TAS2R4: variants seen among roughly 807,000 people sequenced by gnomAD.
TAS2R4 encodes the protein taste 2 receptor member 4.
A neutral mutation model predicts 14.3 loss-of-function variants in TAS2R4; 18 were observed. The ratio of observed to expected loss-of-function variants is 1.26; its 90% CI spans 0.87 to 1.86. The LOEUF is 1.86. TAS2R4 is among the 40% of genes most tolerant of loss of function. The pLI, the probability that TAS2R4 is intolerant of heterozygous loss-of-function variation, is 0.00. For missense variants in TAS2R4, 306 were observed against 342.7 expected (o/e 0.89, Z 0.85); for synonymous variants, 130 against 138.5 (o/e 0.94, Z 0.43).
rs1287055543 is a variant in TAS2R4, at chr7:141,779,420, C to T, written c.*32C>T. On this transcript the variant is annotated 3_prime_UTR_variant, in exon 1 of 1. Coordinates refer to ENST00000247881, the MANE Select transcript of TAS2R4 (RefSeq NM_016944.2). ...TTCAGTAAACAATACCTAGATTTACCTGATGGTTTGGGGGCAAGATTTTCT... is the reference window on the plus strand; with the variant it reads ...TTCAGTAAACAATACCTAGATTTACTTGATGGTTTGGGGGCAAGATTTTCT... 1.9e-6 allele frequency: 3 copies of T among 1,547,824 alleles called. No homozygotes were observed. Among genetic ancestry groups the T allele is most frequent in the African/African-American group, 1.4e-5 (1 of 72,906 alleles).
rs1290541732 is a variant in TAS2R4 at position 141,779,008 on chromosome 7, A to AT, written c.521dup (p.Ser176ValfsTer17). ...CACATCATTTAATATCAGTGAGGGCATCTTGTCTTTAGTGGTTTCTTTGGT... is the reference window on the plus strand; with the variant it reads ...CACATCATTTAATATCAGTGAGGGCATTCTTGTCTTTAGTGGTTTCTTTGGT... On this transcript the variant is annotated frameshift_variant, in exon 1 of 1. Transcript: ENST00000247881. LOFTEE classifies it high-confidence loss of function. The AT allele has an allele frequency of 6.2e-7, 1 of 1,614,178 alleles. No individual in the cohort carries two copies. The highest frequency in any genetic ancestry group is 1.7e-5 in the Admixed American group (1 of 60,020).
At position 141,778,995 on chromosome 7, in the gene TAS2R4, T is replaced by C. The variant is rs1393536207; in HGVS notation, c.507T>C (p.Asn169=). The change falls in exon 1 of 1, where the codon AAT becomes AAC. Residue 169 remains asparagine, a synonymous_variant. Transcript: ENST00000247881. ...CTACGAGAAATAACACATCATTTAA[T>C]ATCAGTGAGGGCATCTTGTCTTTAG... ...LVTTRNNTSF[N]ISEGILSLVV... The C allele has an allele frequency of 1.2e-6, 2 of 1,614,142 alleles. No individual in the cohort carries two copies. Among genetic ancestry groups the C allele is most frequent in the East Asian group, 4.5e-5 (2 of 44,902 alleles).
In TAS2R4 at chr7:141,778,505, A is replaced by C. The variant is rs2233997; in HGVS notation, c.17A>C (p.Tyr6Ser). The part of the protein sequence containing the change: MLRLF[Y>S]FSAIIASVIL... ...TGAGTAAAGATGCTTCGGTTATTCT[A>C]TTTCTCTGCTATTATTGCCTCAGTT... Residue 6 changes from tyrosine (Y) to serine (S), a missense_variant, in exon 1 of 1, where the codon TAT becomes TCT. Transcript: ENST00000247881. 4,469 of 1,612,472 alleles carry C rather than the reference A, an allele frequency of 2.8e-3. 141 individuals carry two copies. The Admixed American group carries it at 0.056, about 20-fold the overall frequency.
In TAS2R4 at chr7:141,779,676, G is replaced by A. The variant is rs1479929629; in HGVS notation, c.*288G>A. 1.3e-5 allele frequency: 4 copies of A among 301,308 alleles called. No homozygotes were observed. The highest frequency in any genetic ancestry group is 4.7e-5 in the Admixed American group (1 of 21,180). The allele number at this position is 301,308 out of a possible 1,614,324, so 18.7% of individuals were successfully genotyped here. ...ATGGAAATCATCACATTGTTTCATTGTCTATTGAAGTATAATGGGAAATTC... is the reference window on the plus strand; with the variant it reads ...ATGGAAATCATCACATTGTTTCATTATCTATTGAAGTATAATGGGAAATTC... On this transcript the variant is annotated 3_prime_UTR_variant, in exon 1 of 1. Transcript: ENST00000247881.
Position 141,778,870 on chromosome 7 carries a change from A to G in TAS2R4, c.382A>G (p.Lys128Glu). The G allele has an allele frequency of 6.2e-7, 1 of 1,614,138 alleles. No homozygotes were observed. The highest frequency in any genetic ancestry group is 8.5e-7 in the Non-Finnish European group (1 of 1,180,018). The change falls in exon 1 of 1, where the codon AAG becomes GAG. Residue 128 changes from lysine to glutamate, a missense_variant. Physicochemically the swap from Lys to Glu is moderately conservative, Grantham distance 56. Transcript: ENST00000247881. ...CCTGCTGAAGCGGAATATCTCCCCA[A>G]AGATCCCCAGGCTGCTGCTGGCCTG... ...FLLLKRNISP[K>E]IPRLLLACVL...
Position 141,778,800 on chromosome 7 carries a change from C to A in TAS2R4, c.312C>A (p.Ile104=), listed in dbSNP as rs183276675. The stretch of plus-strand genomic sequence containing the variant: ...TCTGGTTTGTGACCTTGCTCAATAT[C>A]TTGTACTGTGTGAAGATTACTAACT... ...SSVWFVTLLN[I]LYCVKITNFQ... The change falls in exon 1 of 1, where the codon ATC becomes ATA. Residue 104 remains isoleucine, a synonymous_variant. Transcript: ENST00000247881. 4 of 1,614,170 alleles carry A rather than the reference C, an allele frequency of 2.5e-6. No homozygotes were observed. In the East Asian group the frequency reaches 8.9e-5, roughly 36 times the overall value.
In TAS2R4 at chr7:141,781,011, T is replaced by C. The variant is rs947426264; in HGVS notation, c.*1623T>C. 6.6e-6 allele frequency among the ~76,000 whole-genome samples: 1 copy of C among 152,118 alleles called. No individual in the cohort carries two copies. The highest frequency in any genetic ancestry group is 1.5e-5 in the Non-Finnish European group (1 of 68,032). On this transcript the variant is annotated 3_prime_UTR_variant, in exon 1 of 1. Transcript: ENST00000247881. ...TCTAAATGAGTGGCAGAAACCCTCA[T>C]TGGTCCCTCAGTATCTGTTCTTTCT...
chr7:141,779,079 C>G lies in TAS2R4; in HGVS notation c.591C>G (p.Ser197=). ...LQFIINVTSA[S]LLIHSLRRHI... is the part of the protein sequence containing the mutation. ...TCATCATTAATGTGACTTCTGCTTCCTTGCTAATACACTCCTTGAGGAGAC... is the reference window on the plus strand; with the variant it reads ...TCATCATTAATGTGACTTCTGCTTCGTTGCTAATACACTCCTTGAGGAGAC... The change falls in exon 1 of 1, where the codon TCC becomes TCG. Residue 197 remains serine (S), a synonymous_variant. Coordinates refer to ENST00000247881, the MANE Select transcript of TAS2R4 (RefSeq NM_016944.2). The G allele has an allele frequency of 1.2e-6, 2 of 1,614,194 alleles. No homozygotes were observed. Among genetic ancestry groups the G allele is most frequent in the Non-Finnish European group, 1.7e-6 (2 of 1,180,032 alleles).
At position 141,778,692 on chromosome 7, in the gene TAS2R4, C is replaced by T. The variant is rs1229899418; in HGVS notation, c.204C>T (p.Tyr68=). Residue 68 remains tyrosine, a synonymous_variant, in exon 1 of 1, where the codon TAC becomes TAT. Transcript: ENST00000247881. ...GACTATTTCTGGTGAACACCATCTACTTCGTCTCTTCAAATACGGAAAGGT... is the reference window on the plus strand; with the variant it reads ...GACTATTTCTGGTGAACACCATCTATTTCGTCTCTTCAAATACGGAAAGGT... ...MLGLFLVNTI[Y]FVSSNTERSV... is the part of the protein sequence containing the mutation. 1 of 1,614,222 alleles carries T rather than the reference C, an allele frequency of 6.2e-7. No homozygotes were observed. Among genetic ancestry groups the T allele is most frequent in the Non-Finnish European group, 8.5e-7 (1 of 1,180,048 alleles).
At position 141,776,794 on chromosome 7, in the gene TAS2R4, T is replaced by C. The variant is rs972760091; in HGVS notation, c.-1695T>C. Among the ~76,000 whole-genome samples, 4 of 152,120 alleles carry C rather than the reference T, an allele frequency of 2.6e-5. No homozygotes were observed. Among genetic ancestry groups the C allele is most frequent in the Non-Finnish European group, 4.4e-5 (3 of 68,010 alleles). On this transcript the variant is annotated 5_prime_UTR_variant, in exon 1 of 1. It removes the in-frame stop codon of an upstream open reading frame in the 5' UTR. Transcript: ENST00000247881. ...TAACCATAGGTCAAATTCTCATGCA[T>C]AGGGAGAAAGGGTTCTGCTAACACT...
rs997080226 is a variant in TAS2R4 at position 141,777,296 on chromosome 7, G to A, written c.-1193G>A. On this transcript the variant is annotated 5_prime_UTR_variant, in exon 1 of 1. Transcript: ENST00000247881. Reference sequence around the variant, plus strand: ...GGCTTCCTGTCATCTGTCTTAAAGGGCCTCATGAATGTATTCCCCTCTTCT... The same window carrying A: ...GGCTTCCTGTCATCTGTCTTAAAGGACCTCATGAATGTATTCCCCTCTTCT... Among the ~76,000 whole-genome samples, 1 of 152,098 alleles carries A rather than the reference G, an allele frequency of 6.6e-6. No individual in the cohort carries two copies. Among genetic ancestry groups the A allele is most frequent in the African/African-American group, 2.4e-5 (1 of 41,390 alleles).
rs1195100121 is a variant in TAS2R4 at position 141,780,795 on chromosome 7, T to A, written c.*1407T>A. On this transcript the variant is annotated 3_prime_UTR_variant, in exon 1 of 1. Coordinates refer to ENST00000247881, the MANE Select transcript of TAS2R4 (RefSeq NM_016944.2). ...TTATGTAATATTTACATATGTCAAA[T>A]AAATCTTAAAATTTTATAAATTACA... The A allele has an allele frequency of 6.6e-6, 1 of 152,206 alleles. No homozygotes were observed. Among genetic ancestry groups the A allele is most frequent in the Non-Finnish European group, 1.5e-5 (1 of 68,038 alleles). The allele number at this position is 152,206 out of a possible 1,614,324, so 9.4% of individuals were successfully genotyped here.
In TAS2R4 at chr7:141,779,785, CA is replaced by C. The variant is rs1006460970; in HGVS notation, c.*398del. ...TGAGGAGCCCTGAGTAAGGGCTCAG[CA>C]GTGGATAGGTGGTCACTGGGAGCCA... On this transcript the variant is annotated 3_prime_UTR_variant, in exon 1 of 1. Transcript: ENST00000247881. 5.7e-6 allele frequency: 1 copy of C among 176,032 alleles called. No homozygotes were observed. The highest frequency in any genetic ancestry group is 1.2e-5 in the Non-Finnish European group (1 of 82,722). The allele number at this position is 176,032 out of a possible 1,614,324, so 10.9% of individuals were successfully genotyped here. A position where few individuals can be genotyped will look rare whatever the true frequency, so the allele number is the denominator to read the frequency against.
At position 141,779,375 on chromosome 7, in the gene TAS2R4, G is replaced by C. The variant is rs760799790; in HGVS notation, c.887G>C (p.Cys296Ser). The change falls in exon 1 of 1, where the codon TGT (cysteine) becomes TCT (serine). Residue 296 changes from cysteine to serine, a missense_variant. Cys to Ser is a moderately radical substitution (Grantham distance 112). Coordinates refer to ENST00000247881, the MANE Select transcript of TAS2R4 (RefSeq NM_016944.2). ...AAAACAACAGCAAAGAAGATTCTTT[G>C]TTTCAAAAAATAGTGGAATTTCAGT... ...KLKTTAKKILCFKK is the reference protein window; with the variant it reads ...KLKTTAKKILSFKK 2.5e-6 allele frequency: 4 copies of C among 1,593,100 alleles called. No individual in the cohort carries two copies. Among genetic ancestry groups the C allele is most frequent in the Non-Finnish European group, 3.4e-6 (4 of 1,168,094 alleles).
At position 141,779,105 on chromosome 7, in the gene TAS2R4, A is replaced by G. The variant is rs781107412; in HGVS notation, c.617A>G (p.His206Arg). The change falls in exon 1 of 1, where the codon CAT becomes CGT. Residue 206 changes from histidine to arginine, a missense_variant. Physicochemically the swap from His to Arg is conservative, Grantham distance 29. Coordinates refer to ENST00000247881, the MANE Select transcript of TAS2R4 (RefSeq NM_016944.2). ...TTGCTAATACACTCCTTGAGGAGAC[A>G]TATACAGAAGATGCAGAAAAATGCC... Reference protein sequence around the residue: ...ASLLIHSLRRHIQKMQKNATG... With the variant: ...ASLLIHSLRRRIQKMQKNATG... The G allele has an allele frequency of 1.9e-6, 3 of 1,614,230 alleles. No homozygotes were observed. Among genetic ancestry groups the G allele is most frequent in the Non-Finnish European group, 2.5e-6 (3 of 1,180,044 alleles).
At position 141,781,656 on chromosome 7, in the gene TAS2R4, G is replaced by A. The variant is rs765599149; in HGVS notation, c.*2268G>A. ...AAAATGTAAACAGTAATTATTTTAG[G>A]TGGGAGGAATCAATAAATTTTTTTG... On this transcript the variant is annotated 3_prime_UTR_variant, in exon 1 of 1. Coordinates refer to ENST00000247881, the MANE Select transcript of TAS2R4 (RefSeq NM_016944.2). 1.2e-4 allele frequency among the ~76,000 whole-genome samples: 18 copies of A among 151,952 alleles called. No individual in the cohort carries two copies. The highest frequency in any genetic ancestry group is 1.9e-4 in the Non-Finnish European group (13 of 67,962).
rs374513072 is a variant in TAS2R4 at position 141,779,413 on chromosome 7, G to C, written c.*25G>C. 6.4e-6 allele frequency: 10 copies of C among 1,557,416 alleles called. No homozygotes were observed. Among genetic ancestry groups the C allele is most frequent in the African/African-American group, 1.4e-5 (1 of 73,146 alleles). On this transcript the variant is annotated 3_prime_UTR_variant, in exon 1 of 1. Coordinates refer to ENST00000247881, the MANE Select transcript of TAS2R4 (RefSeq NM_016944.2). ...GTGGAATTTCAGTAAACAATACCTA[G>C]ATTTACCTGATGGTTTGGGGGCAAG... is the stretch of plus-strand genomic sequence containing the variant.
At position 141,777,781 on chromosome 7, in the gene TAS2R4, A is replaced by G. The variant is rs1000781380; in HGVS notation, c.-708A>G. Among the ~76,000 whole-genome samples, 1 of 138,756 alleles carries G rather than the reference A, an allele frequency of 7.2e-6. No individual in the cohort carries two copies. The highest frequency in any genetic ancestry group is 2.4e-4 in the South Asian group (1 of 4,164). The allele number at this position is 138,756 out of a possible 152,430, so 91.0% of individuals were successfully genotyped here. A position where few individuals can be genotyped will look rare whatever the true frequency, so the allele number is the denominator to read the frequency against. ...GAAAACCAGAACATAGCAAATGGTT[A>G]TGGCACAAATCTATGTATGTAGATA... is the stretch of plus-strand genomic sequence containing the variant. On this transcript the variant is annotated 5_prime_UTR_variant, in exon 1 of 1. It removes an upstream start codon present in the reference 5' UTR. Transcript: ENST00000247881.
In TAS2R4 at chr7:141,778,875, C is replaced by T. The variant is rs769705345; in HGVS notation, c.387C>T (p.Ile129=). The T allele has an allele frequency of 6.2e-7, 1 of 1,614,056 alleles. No homozygotes were observed. Among genetic ancestry groups the T allele is most frequent in the Admixed American group, 1.7e-5 (1 of 59,994 alleles). ...LLLKRNISPK[I]PRLLLACVLI... ...TGAAGCGGAATATCTCCCCAAAGATCCCCAGGCTGCTGCTGGCCTGTGTGC... is the reference window on the plus strand; with the variant it reads ...TGAAGCGGAATATCTCCCCAAAGATTCCCAGGCTGCTGCTGGCCTGTGTGC... Residue 129 remains isoleucine, a synonymous_variant, in exon 1 of 1, where the codon ATC becomes ATT. Transcript: ENST00000247881.
Sources: allele counts gnomAD v4.1 joint callset (sites outside exome capture counted in the v4.1 genomes callset), GRCh38; gene constraint gnomAD v4.1.1; transcripts MANE v1.5; gene names NCBI Gene and HGNC (gene_info 2026-07-23, HGNC 2026-07-21).